Variants in RASGRF1 observed in about 807,000 individuals in gnomAD.
RASGRF1 encodes Ras protein specific guanine nucleotide releasing factor 1, also known as ras-specific guanine nucleotide-releasing factor 1.
In RASGRF1, 40 loss-of-function variants were observed where a neutral mutation model predicts 138.7. That is an observed-to-expected ratio of 0.29 (90% CI 0.22 to 0.38). The LOEUF (loss-of-function observed/expected upper bound fraction) is 0.38. Ranked by LOEUF, RASGRF1 falls within the 10% of genes least tolerant of loss-of-function variation. RASGRF1 has a pLI of 1.00. For missense variants in RASGRF1, 1,108 were observed against 1,650.4 expected, an observed-to-expected ratio of 0.67 and a Z score of 5.69; for synonymous variants, 614 against 663.2, an observed-to-expected ratio of 0.93 and a Z score of 1.14.
Position 79,032,222 on chromosome 15 carries a change from C to T in RASGRF1, c.1053G>A (p.Lys351=), listed in dbSNP as rs757950922. ...QYSLQILAHC[K]QNRDFDKLLK... ...GCAGCTTGTCGAAGTCACGGTTCTG[C>T]TTGCAGTGGGCCAGGATCTGCAGGC... The change falls in exon 7 of 27, where the codon AAG becomes AAA. Residue 351 remains lysine (K), a synonymous_variant. Transcript: ENST00000558480. The surrounding 1 kb of genome is among the most constrained non-coding windows in gnomAD (Gnocchi z 4.5). 103 of 1,614,020 alleles carry T rather than the reference C, an allele frequency of 6.4e-5. No homozygotes were observed. In the Middle Eastern group the frequency reaches 1.5e-3, roughly 23 times the overall value.
At chr15:79,025,049 T>A (rs1595914186) in intron 10 of RASGRF1, among the ~76,000 whole-genome samples, 1 of 150,954 alleles carries the variant, frequency 6.6e-6, no homozygotes, top group Non-Finnish European at 1.5e-5. Flanking sequence ...GCCCTCTGGC[T>A]CCTCTGCCCA....
chr15:78,980,453 T>G (rs1244669852), intron 24 of RASGRF1, 167 bp downstream of exon 24: 1 of 510,324 alleles, frequency 2.0e-6, no homozygotes, highest in East Asian at 2.9e-5. Context: ...TGGCAGACCA[T>G]GGAGGACTCC....
In RASGRF1 at chr15:79,058,459, G is replaced by T. The variant is rs762185951; in HGVS notation, c.406C>A (p.His136Asn). 13 of 1,614,192 alleles carry T rather than the reference G, an allele frequency of 8.1e-6. No homozygotes were observed. Among genetic ancestry groups the T allele is most frequent in the Non-Finnish European group, 1.1e-5 (13 of 1,180,032 alleles). The change falls in exon 3 of 27, where the codon CAT becomes AAT. Residue 136 changes from histidine to asparagine, a missense_variant. His to Asn is a moderately conservative substitution (Grantham distance 68). This residue lies in a region of RASGRF1 where 253 missense variants were observed against 329.5 expected (regional missense o/e 0.77). Transcript: ENST00000558480. ...HASYRTLATEHEALMQKYLHL... is the reference protein window; with the variant it reads ...HASYRTLATENEALMQKYLHL... Reference sequence around the variant, plus strand: ...AGGTATTTCTGCATTAATGCCTCATGCTCTGTGGCGAGGGTCCTGTAGCTG... The same window carrying T: ...AGGTATTTCTGCATTAATGCCTCATTCTCTGTGGCGAGGGTCCTGTAGCTG...
At chr15:78,997,727 A>G (rs2056424873) in intron 19 of RASGRF1, among the ~76,000 whole-genome samples, 2 of 107,896 alleles carry the variant, frequency 1.9e-5, no homozygotes, top group Admixed American at 2.5e-4. Context: ...CAAGAGCGAG[A>G]CTTCGCCTCA....
In RASGRF1 at chr15:79,073,818, C is replaced by T. The variant is rs2057793492; in HGVS notation, c.277-9292G>A. Among the ~76,000 whole-genome samples the T allele has an allele frequency of 6.6e-6, 1 of 152,236 alleles. No individual in the cohort carries two copies. The highest frequency in any genetic ancestry group is 1.5e-5 in the Non-Finnish European group (1 of 68,042). On this transcript the variant is annotated intron_variant, in intron 1 of 26. Coordinates refer to ENST00000558480, the MANE Select transcript of RASGRF1 (RefSeq NM_001145648.3). The surrounding 1 kb of genome is among the most constrained non-coding windows in gnomAD (Gnocchi z 4.2). The stretch of plus-strand genomic sequence containing the variant: ...CTTAAAGTCACTGGAGCTGCAGCAG[C>T]ACCCAAATCACCTTGGAATTTGTTA...
intron 1 of RASGRF1, among the ~76,000 whole-genome samples, chr15:79,074,139 G>A (rs117748283): frequency 0.057 from 8,679 of 152,264 alleles, 272 homozygotes; most frequent in Non-Finnish European, 0.07. Flanking sequence ...CCCTTGGGGC[G>A]CTTGCTAAAA....
Position 79,032,406 on chromosome 15 carries a change from G to A in RASGRF1, c.959-90C>T. The A allele has an allele frequency of 1.5e-6, 2 of 1,311,478 alleles. No homozygotes were observed. The highest frequency in any genetic ancestry group is 2.1e-6 in the Non-Finnish European group (2 of 940,988). 81.2% of individuals were successfully genotyped at this position (1,311,478 alleles called of 1,614,324 possible). A position where few individuals can be genotyped will look rare whatever the true frequency, so the allele number is the denominator to read the frequency against. On this transcript the variant is annotated intron_variant, in intron 6 of 26. Coordinates refer to ENST00000558480, the MANE Select transcript of RASGRF1 (RefSeq NM_001145648.3). This position sits in a 1 kb window ranked among gnomAD's most constrained non-coding sequence, Gnocchi z 4.5. Reference sequence around the variant, plus strand: ...CTTGGCTCCCCCAGCTACACCCAGAGAGGCCAGGGGCCAGGTTCAAGTTCC... The same window carrying A: ...CTTGGCTCCCCCAGCTACACCCAGAAAGGCCAGGGGCCAGGTTCAAGTTCC...
rs372576578 is a variant in RASGRF1, at chr15:78,985,123, C to T, written c.3298G>A (p.Val1100Ile). The T allele has an allele frequency of 1.6e-5, 26 of 1,613,202 alleles. No homozygotes were observed. The Middle Eastern group carries it at 4.9e-4, about 31-fold the overall frequency. Reference protein sequence around the residue: ...RVSAIEKWVAVADICRCLHNY... With the variant: ...RVSAIEKWVAIADICRCLHNY... ...TGGAGGCAGCGGCATATGTCAGCTA[C>T]GGCCACCCACTTCTCGATGGCGCTC... is the stretch of plus-strand genomic sequence containing the variant. Residue 1100 changes from valine to isoleucine, a missense_variant, in exon 23 of 27, where the codon GTA becomes ATA. Around this residue, in one of 3 missense-constraint regions of RASGRF1, gnomAD observed 686 missense variants for 976.7 expected, o/e 0.70. Transcript: ENST00000558480.
intron 26 of RASGRF1, among the ~76,000 whole-genome samples, chr15:78,969,155 G>A (rs997161389): frequency 2.6e-5 from 4 of 152,060 alleles, no homozygotes; most frequent in Non-Finnish European, 2.9e-5. Flanking sequence ...TTTAACAAGC[G>A]TTCCAATCAT....
intron 2 of RASGRF1, among the ~76,000 whole-genome samples, chr15:79,062,394 T>C (rs995066847): frequency 2.6e-5 from 4 of 152,224 alleles, no homozygotes; most frequent in Admixed American, 6.5e-5. Flanking sequence ...GTTCTGATCA[T>C]GCTACTCCCC....
Position 79,025,300 on chromosome 15 carries a change from C to T in RASGRF1, c.1542+14G>A. On this transcript the variant is annotated intron_variant, in intron 10 of 26. Coordinates refer to ENST00000558480, the MANE Select transcript of RASGRF1 (RefSeq NM_001145648.3). The stretch of plus-strand genomic sequence containing the variant: ...AGCTGGGCAGCCCCCAAGCCCCTCT[C>T]CCGTAGCCCTTACCTTGGTCAAGTG... The T allele has an allele frequency of 6.3e-7, 1 of 1,594,492 alleles. No homozygotes were observed. Among genetic ancestry groups the T allele is most frequent in the Non-Finnish European group, 8.6e-7 (1 of 1,167,128 alleles).
chr15:79,035,108 CGCAG>C lies in RASGRF1; in HGVS notation c.958+19_958+22del. 1.3e-6 allele frequency: 2 copies of C among 1,596,282 alleles called. No individual in the cohort carries two copies. Among genetic ancestry groups the C allele is most frequent in the Non-Finnish European group, 1.7e-6 (2 of 1,166,814 alleles). On this transcript the variant is annotated intron_variant, in intron 6 of 26. Transcript: ENST00000558480. ...CCTGGAGGGGGACTTCTCTGGGGGC[CGCAG>C]TGAGGGCTGACTACTCACCCAGGAC...
In RASGRF1 at chr15:79,090,272, G is replaced by A. The variant is rs778369712; in HGVS notation, c.227C>T (p.Ala76Val). The change falls in exon 1 of 27, where the codon GCG becomes GTG. Residue 76 changes from alanine (A) to valine (V), a missense_variant. Ala to Val is a moderately conservative substitution (Grantham distance 64). Around this residue, in one of 3 missense-constraint regions of RASGRF1, gnomAD observed 253 missense variants for 329.5 expected, o/e 0.77. Coordinates refer to ENST00000558480, the MANE Select transcript of RASGRF1 (RefSeq NM_001145648.3). ...YLLEGCVCDR[A>V]PSPKPALSAK... ...CGACAGCGCCGGCTTGGGGGAGGGC[G>A]CGCGGTCGCAGACGCAGCCCTCCAG... is the stretch of plus-strand genomic sequence containing the variant. 3 of 1,611,314 alleles carry A rather than the reference G, an allele frequency of 1.9e-6. No homozygotes were observed. Among genetic ancestry groups the A allele is most frequent in the Non-Finnish European group, 2.5e-6 (3 of 1,179,354 alleles).
chr15:79,090,598 C>A lies in RASGRF1; in HGVS notation c.-100G>T. 2.0e-6 allele frequency: 3 copies of A among 1,513,072 alleles called. No homozygotes were observed. The highest frequency in any genetic ancestry group is 1.2e-5 in the South Asian group (1 of 80,866). The allele number at this position is 1,513,072 out of a possible 1,614,324, so 93.7% of individuals were successfully genotyped here. On this transcript the variant is annotated 5_prime_UTR_variant, in exon 1 of 27. Coordinates refer to ENST00000558480, the MANE Select transcript of RASGRF1 (RefSeq NM_001145648.3). ...GCGCTGCCTCTCTCTGGCGCTCGCT[C>A]GCTCGCTCCCTCTAGCTCTCCCCTC...
Position 79,054,009 on chromosome 15 carries a change from T to C in RASGRF1, c.531+4325A>G, listed in dbSNP as rs972612661. On this transcript the variant is annotated intron_variant, in intron 3 of 26. Transcript: ENST00000558480. The stretch of plus-strand genomic sequence containing the variant: ...TTGTAGCATTTGCCAATTCCCATGA[T>C]GTCAGCCCATTTCTAGCTCAGCCCA... 2.6e-5 allele frequency among the ~76,000 whole-genome samples: 4 copies of C among 152,372 alleles called. No homozygotes were observed. In the East Asian group the frequency reaches 5.8e-4, roughly 22 times the overall value.
At chr15:78,962,409 C>T (rs1184624910) in intron 26 of RASGRF1, among the ~76,000 whole-genome samples, 173 bp from the exon 27 acceptor site, 1 of 151,926 alleles carries the variant, frequency 6.6e-6, no homozygotes, top group South Asian at 2.1e-4. Context: ...TTTAAGCAGT[C>T]GACGTAAGTA....
At chr15:79,077,522 C>A (rs1018050918) in intron 1 of RASGRF1, among the ~76,000 whole-genome samples, 3 of 152,176 alleles carry the variant, frequency 2.0e-5, no homozygotes, top group Non-Finnish European at 4.4e-5. Context: ...TGCCTGCACA[C>A]ATACACACAA....
chr15:79,010,199 G>T (rs1204087962), intron 13 of RASGRF1, among the ~76,000 whole-genome samples: 1 of 151,914 alleles, frequency 6.6e-6, no homozygotes, highest in Non-Finnish European at 1.5e-5. Flanking sequence ...ACAATGACCA[G>T]CTAATTTTTT....
intron 3 of RASGRF1, among the ~76,000 whole-genome samples, chr15:79,053,093 C>T (rs745684769): frequency 1.4e-4 from 22 of 152,076 alleles, no homozygotes; most frequent in Middle Eastern, 3.4e-3. Flanking sequence ...TGGTGAAACC[C>T]CATCTTACTA....
Sources: allele counts gnomAD v4.1 joint callset (sites outside exome capture counted in the v4.1 genomes callset), GRCh38; gene constraint gnomAD v4.1.1; regional missense constraint gnomAD v4.1.1; non-coding constraint Gnocchi (gnomAD v3.1); transcripts MANE v1.5; gene names NCBI Gene and HGNC (gene_info 2026-07-23, HGNC 2026-07-21).